The following ADAMTS3 variants were observed in gnomAD, a reference collection of about 807,000 sequenced individuals.
ADAMTS3 encodes the protein ADAM metallopeptidase with thrombospondin type 1 motif 3.
ADAMTS3 carries 73 observed loss-of-function variants against 129.0 expected under a neutral mutation model. The ratio of observed to expected loss-of-function variants is 0.57; its 90% CI spans 0.47 to 0.69. The LOEUF is 0.69. Among genes scored for constraint, ADAMTS3 ranks in the 30% least tolerant of loss-of-function variants. ADAMTS3 has a pLI of 0.00. For synonymous variants in ADAMTS3, 477 were observed against 510.8 expected (o/e 0.93, Z 0.89); for missense variants, 1,457 against 1,514.5 (o/e 0.96, Z 0.63).
At chr4:72,528,770 C>T (rs1251756465) in intron 3 of ADAMTS3, among the ~76,000 whole-genome samples, 2 of 152,054 alleles carry the variant, frequency 1.3e-5, no homozygotes, top group African/African-American at 4.8e-5. Context: ...GCCCTCAATT[C>T]ACCTCTCAAG....
chr4:72,530,636 T>C (rs1720999075), intron 3 of ADAMTS3, among the ~76,000 whole-genome samples: 1 of 83,268 alleles, frequency 1.2e-5, no homozygotes. Context: ...TATTATATAA[T>C]ATATTATATA....
intron 3 of ADAMTS3, among the ~76,000 whole-genome samples, chr4:72,476,424 A>G (rs1461492771): frequency 6.6e-6 from 1 of 152,174 alleles, no homozygotes; most frequent in Non-Finnish European, 1.5e-5. Flanking sequence ...CTAACATGAA[A>G]TAGATAATTT....
intron 2 of ADAMTS3, among the ~76,000 whole-genome samples, chr4:72,561,518 A>G (rs1274510009): frequency 1.3e-5 from 2 of 152,176 alleles, no homozygotes; most frequent in African/African-American, 4.8e-5. Flanking sequence ...AAAAAAAGAA[A>G]GAAAAAAATG....
Position 72,414,916 on chromosome 4 carries a change from C to T in ADAMTS3, c.560G>A (p.Gly187Asp), listed in dbSNP as rs1186971977. The change falls in exon 4 of 22, where the codon GGT (glycine) becomes GAT (aspartate). Residue 187 changes from glycine (G) to aspartate (D), a missense_variant. By Grantham distance (94) the Gly-to-Asp change is moderately conservative (BLOSUM62 -1). Coordinates refer to ENST00000286657, the MANE Select transcript of ADAMTS3 (RefSeq NM_014243.3). ...TCCTTTTTCTTCCTCCATCTGTTTACCTCTTTCCAAGGGTTCAATGAAATA... is the reference window on the plus strand; with the variant it reads ...TCCTTTTTCTTCCTCCATCTGTTTATCTCTTTCCAAGGGTTCAATGAAATA... ...EEYFIEPLERGKQMEEEKGRI... is the reference protein window; with the variant it reads ...EEYFIEPLERDKQMEEEKGRI... 2 of 1,583,270 alleles carry T rather than the reference C, an allele frequency of 1.3e-6. No individual in the cohort carries two copies. Among genetic ancestry groups the T allele is most frequent in the Non-Finnish European group, 1.7e-6 (2 of 1,166,542 alleles).
chr4:72,385,452 GACAGTAA>G (rs1169868329), intron 4 of ADAMTS3, among the ~76,000 whole-genome samples: 4 of 151,888 alleles, frequency 2.6e-5, no homozygotes, highest in African/African-American at 9.7e-5. Context: ...AGGACAAACA[GACAGTAA>G]ACTGTGAAAC....
chr4:72,544,613 G>C (rs150876880), intron 3 of ADAMTS3, among the ~76,000 whole-genome samples: 1 of 152,268 alleles, frequency 6.6e-6, no homozygotes, highest in East Asian at 1.9e-4. Flanking sequence ...TATCAATTCT[G>C]TGCTGTGCTT....
chr4:72,507,003 A>G (rs1720177441), intron 3 of ADAMTS3, among the ~76,000 whole-genome samples: 1 of 152,186 alleles, frequency 6.6e-6, no homozygotes. Context: ...AGGGGAGAAA[A>G]GAAGACTGTA....
chr4:72,517,784 C>A (rs1440219228), intron 3 of ADAMTS3, among the ~76,000 whole-genome samples: 1 of 151,598 alleles, frequency 6.6e-6, no homozygotes, highest in Non-Finnish European at 1.5e-5. Context: ...TTTCAAAAAA[C>A]CAGCTCCTGG....
intron 3 of ADAMTS3, chr4:72,441,634 C>T (rs1200348573): frequency 3.3e-5 from 5 of 151,734 alleles, no homozygotes; most frequent in African/African-American, 4.8e-5. Context: ...TGCCAACATT[C>T]CCCTGCAGAT....
chr4:72,454,038 C>T (rs950785074), intron 3 of ADAMTS3, among the ~76,000 whole-genome samples: 2 of 151,150 alleles, frequency 1.3e-5, no homozygotes, highest in Admixed American at 1.3e-4. Flanking sequence ...ACTTCTGAAC[C>T]TGTATAATAA....
intron 3 of ADAMTS3, among the ~76,000 whole-genome samples, chr4:72,501,676 T>C (rs1720028250): frequency 6.6e-6 from 1 of 151,948 alleles, no homozygotes; most frequent in African/African-American, 2.4e-5. Context: ...GAGAGTTAGC[T>C]TCCTGTTCCT....
intron 3 of ADAMTS3, among the ~76,000 whole-genome samples, chr4:72,479,852 C>A (rs1231635602): frequency 3.3e-5 from 5 of 151,016 alleles, no homozygotes; most frequent in South Asian, 2.1e-4. Flanking sequence ...TTACAAGAAA[C>A]AAACAAACAA....
intron 3 of ADAMTS3, among the ~76,000 whole-genome samples, chr4:72,486,020 T>C (rs1719582298): frequency 6.6e-6 from 1 of 152,198 alleles, no homozygotes; most frequent in Non-Finnish European, 1.5e-5. Context: ...TAAATTTCTG[T>C]TGTTTAGAAA....
At chr4:72,371,318 G>A (rs1010518617) in intron 4 of ADAMTS3, among the ~76,000 whole-genome samples, 6 of 151,894 alleles carry the variant, frequency 4.0e-5, no homozygotes, top group Non-Finnish European at 8.8e-5. Flanking sequence ...AAAAAAGACT[G>A]TCATGCTGCA....
chr4:72,339,377 T>C (rs922799737), intron 5 of ADAMTS3, 117 bp downstream of exon 5: 1 of 844,270 alleles, frequency 1.2e-6, no homozygotes, highest in Non-Finnish European at 1.9e-6. Context: ...TTTAATGCCA[T>C]CATGCACATA....
chr4:72,296,131 A>G (rs1184131113), intron 18 of ADAMTS3, among the ~76,000 whole-genome samples: 1 of 152,058 alleles, frequency 6.6e-6, no homozygotes, highest in Non-Finnish European at 1.5e-5. Flanking sequence ...CTTACAGTAG[A>G]GGGCACCAAA....
chr4:72,533,087 A>T (rs1721086088), intron 3 of ADAMTS3, among the ~76,000 whole-genome samples: 1 of 152,196 alleles, frequency 6.6e-6, no homozygotes, highest in Non-Finnish European at 1.5e-5. Flanking sequence ...TTATAATTTT[A>T]AAAAATGATT....
intron 3 of ADAMTS3, among the ~76,000 whole-genome samples, chr4:72,497,436 T>C (rs1719898996): frequency 6.6e-6 from 1 of 151,818 alleles, no homozygotes. Context: ...TTGTAAAACA[T>C]TTTCCTATCT....
At chr4:72,324,384 A>G (rs558145228) in intron 5 of ADAMTS3, among the ~76,000 whole-genome samples, 2 of 152,162 alleles carry the variant, frequency 1.3e-5, no homozygotes, top group African/African-American at 4.8e-5. Flanking sequence ...AGGGTCTTGA[A>G]TGTAGACTGA....
Sources: allele counts gnomAD v4.1 joint callset (sites outside exome capture counted in the v4.1 genomes callset), GRCh38; gene constraint gnomAD v4.1.1; transcripts MANE v1.5; gene names NCBI Gene and HGNC (gene_info 2026-07-23, HGNC 2026-07-21).